The following RXYLT1 variants were observed in gnomAD, a reference collection of about 807,000 sequenced individuals.
The protein encoded by RXYLT1 is ribitol xylosyltransferase 1.
Under a neutral mutation model 43.5 loss-of-function variants are expected in RXYLT1, and 41 were observed. The observed-to-expected ratio is 0.94, with a 90% CI of 0.73 to 1.22. RXYLT1 has a LOEUF of 1.22. RXYLT1 is among the 50% of genes most tolerant of loss of function. The pLI, the probability that RXYLT1 is intolerant of heterozygous loss-of-function variation, is 0.00. For missense variants in RXYLT1, 514 were observed against 532.0 expected (o/e 0.97, Z 0.33); for synonymous variants, 166 against 194.4 (o/e 0.85, Z 1.21).
chr12:63,800,980 A>C (rs1392451820), intron 3 of RXYLT1, among the ~76,000 whole-genome samples: 1 of 152,048 alleles, frequency 6.6e-6, no homozygotes, highest in African/African-American at 2.4e-5. Flanking sequence ...AAAACTAACA[A>C]ATTTCAGCTC....
chr12:63,796,766 A>G (rs1898040481), intron 3 of RXYLT1, among the ~76,000 whole-genome samples: 1 of 152,092 alleles, frequency 6.6e-6, no homozygotes, highest in South Asian at 2.1e-4. Flanking sequence ...CCTCATAAAA[A>G]TCCCCAGAAT....
intron 2 of RXYLT1, among the ~76,000 whole-genome samples, chr12:63,783,031 C>T (rs888421302): frequency 4.6e-5 from 7 of 152,176 alleles, no homozygotes; most frequent in Non-Finnish European, 5.9e-5. Context: ...TAAAGTTTAT[C>T]ACAAGTTCTG....
chr12:63,784,093 T>C (rs1490220570), intron 2 of RXYLT1, among the ~76,000 whole-genome samples: 1 of 152,192 alleles, frequency 6.6e-6, no homozygotes, highest in Non-Finnish European at 1.5e-5. Flanking sequence ...CTTAATCATA[T>C]TTTTAAAGTG....
chr12:63,790,849 A>AAGTAGT (rs1228742580), intron 3 of RXYLT1, among the ~76,000 whole-genome samples: 2 of 152,196 alleles, frequency 1.3e-5, no homozygotes, highest in Non-Finnish European at 2.9e-5. Context: ...CATTTAAGGC[A>AAGTAGT]AGTAGTAGTT....
At chr12:63,801,186 G>T (rs1898151194) in intron 3 of RXYLT1, among the ~76,000 whole-genome samples, 2 of 151,826 alleles carry the variant, frequency 1.3e-5, no homozygotes, top group South Asian at 4.1e-4. Flanking sequence ...ATATATATGT[G>T]TAAATAATTT....
At chr12:63,793,391 C>T (rs1040719009) in intron 3 of RXYLT1, among the ~76,000 whole-genome samples, 22 of 151,984 alleles carry the variant, frequency 1.4e-4, no homozygotes, top group African/African-American at 5.3e-4. Flanking sequence ...TGCATGTATA[C>T]ACTTGAAGGG....
intron 3 of RXYLT1, among the ~76,000 whole-genome samples, chr12:63,793,011 A>T (rs1325856958): frequency 6.6e-6 from 1 of 152,130 alleles, no homozygotes; most frequent in Non-Finnish European, 1.5e-5. Flanking sequence ...GGCTCAAGAG[A>T]TCCTCCTGCC....
At chr12:63,794,196 G>T (rs967689230) in intron 3 of RXYLT1, among the ~76,000 whole-genome samples, 7 of 152,204 alleles carry the variant, frequency 4.6e-5, no homozygotes, top group African/African-American at 1.4e-4. Context: ...TCTATTCACA[G>T]TTGGAGGTCT....
In RXYLT1 at chr12:63,809,032, G is replaced by A. The variant is rs536862073; in HGVS notation, c.1272G>A (p.Glu424=). The A allele has an allele frequency of 1.1e-4, 167 of 1,582,980 alleles. No homozygotes were observed. Among genetic ancestry groups the A allele is most frequent in the Non-Finnish European group, 1.4e-4 (162 of 1,168,730 alleles). ...AGTGGTATCAGCACTTCAAGACAGA[G>A]CTTAAAATGAAATTTACTAATATTT... ...LLQWYQHFKT[E]LKMKFTNILE... is the part of the protein sequence containing the mutation. Residue 424 remains glutamate, a synonymous_variant, in exon 6 of 6, where the codon GAG becomes GAA. Coordinates refer to ENST00000261234, the MANE Select transcript of RXYLT1 (RefSeq NM_014254.3).
chr12:63,803,425 G>C (rs1898211514), intron 4 of RXYLT1, among the ~76,000 whole-genome samples: 1 of 151,934 alleles, frequency 6.6e-6, no homozygotes, highest in South Asian at 2.1e-4. Flanking sequence ...TTTGTTGAGT[G>C]GATAAATTAT....
chr12:63,780,501 T>G lies in RXYLT1; in HGVS notation c.169+372T>G, dbSNP rs537658011. On this transcript the variant is annotated intron_variant, in intron 1 of 5. Transcript: ENST00000261234. ...GTTTCCATGTTGAAACAAAGCCCTC[T>G]CTAATCCTGCAGTGACCATAAGGCA... The G allele has an allele frequency of 1.7e-5, 18 of 1,083,958 alleles. No individual in the cohort carries two copies. In the East Asian group the frequency reaches 1.2e-3, roughly 70 times the overall value. 67.1% of individuals were successfully genotyped at this position (1,083,958 alleles called of 1,614,324 possible). A position where few individuals can be genotyped will look rare whatever the true frequency, so the allele number is the denominator to read the frequency against.
rs766925300 is a variant in RXYLT1 at position 63,808,818 on chromosome 12, T to C, written c.1058T>C (p.Val353Ala). ...EACSYGSIPV[V>A]EDVMTAGNCG... Reference sequence around the variant, plus strand: ...TGCTCCTATGGCTCCATTCCTGTGGTGGAAGACGTGATGACAGCTGGCAAC... The same window carrying C: ...TGCTCCTATGGCTCCATTCCTGTGGCGGAAGACGTGATGACAGCTGGCAAC... Residue 353 changes from valine (V) to alanine (A), a missense_variant, in exon 6 of 6, where the codon GTG becomes GCG. By Grantham distance (64) the Val-to-Ala change is moderately conservative. Coordinates refer to ENST00000261234, the MANE Select transcript of RXYLT1 (RefSeq NM_014254.3). The C allele has an allele frequency of 6.2e-7, 1 of 1,614,164 alleles. No individual in the cohort carries two copies. The highest frequency in any genetic ancestry group is 1.1e-5 in the South Asian group (1 of 91,066).
chr12:63,809,243 G>C lies in RXYLT1; in HGVS notation c.*151G>C. On this transcript the variant is annotated 3_prime_UTR_variant, in exon 6 of 6. Coordinates refer to ENST00000261234, the MANE Select transcript of RXYLT1 (RefSeq NM_014254.3). ...GCCACATAATGACATTTCAGTCAGT[G>C]GTAGACTACATATATGATAGTGGTC... 1.7e-6 allele frequency: 1 copy of C among 604,316 alleles called. No homozygotes were observed. Among genetic ancestry groups the C allele is most frequent in the Non-Finnish European group, 2.8e-6 (1 of 362,258 alleles). The allele number at this position is 604,316 out of a possible 1,614,324, so 37.4% of individuals were successfully genotyped here. A position where few individuals can be genotyped will look rare whatever the true frequency, so the allele number is the denominator to read the frequency against.
intron 3 of RXYLT1, among the ~76,000 whole-genome samples, chr12:63,786,932 C>T (rs920572298): frequency 3.9e-5 from 6 of 151,988 alleles, no homozygotes; most frequent in Non-Finnish European, 5.9e-5. Context: ...TGGCTATCAT[C>T]GTGAAACCCC....
chr12:63,804,801 A>G (rs1898248651), intron 4 of RXYLT1: 1 of 154,244 alleles, frequency 6.5e-6, no homozygotes, highest in Non-Finnish European at 1.4e-5. Flanking sequence ...ATACCCTTCG[A>G]TCAACATCTT....
chr12:63,782,546 G>A (rs1418975409), intron 2 of RXYLT1: 1 of 456,528 alleles, frequency 2.2e-6, no homozygotes, highest in East Asian at 6.9e-5. Context: ...TTTAGTCCAA[G>A]CTGGCAGCGT....
chr12:63,782,589 G>A (rs1341185874), intron 2 of RXYLT1: 1 of 456,508 alleles, frequency 2.2e-6, no homozygotes, highest in East Asian at 6.9e-5. Flanking sequence ...AGAACCTTGT[G>A]GGCCCTCTGT....
At chr12:63,802,998 A>G (rs901592573) in intron 4 of RXYLT1, among the ~76,000 whole-genome samples, 1 of 149,608 alleles carries the variant, frequency 6.7e-6, no homozygotes, top group African/African-American at 2.5e-5. Flanking sequence ...GCAAAACCCT[A>G]TCTCTAAAAA....
At chr12:63,808,365 A>G in intron 5 of RXYLT1, 1 of 338,646 alleles carries the variant, frequency 3.0e-6, no homozygotes, top group Non-Finnish European at 5.3e-6. Context: ...ACTAGAATAT[A>G]TGCTCCATGA....
Sources: gnomAD v4.1 joint callset for allele counts (sites outside exome capture counted in the v4.1 genomes callset) on GRCh38, gnomAD v4.1.1 for gene constraint, MANE v1.5 for transcripts, NCBI Gene and HGNC (gene_info 2026-07-23, HGNC 2026-07-21) for gene names.